The following HS6ST3 variants were observed in gnomAD, a reference collection of about 807,000 sequenced individuals.
The protein encoded by HS6ST3 is heparan sulfate 6-O-sulfotransferase 3.
HS6ST3 carries 12 observed loss-of-function variants against 36.7 expected under a neutral mutation model. That is an observed-to-expected ratio of 0.33 (90% confidence interval 0.21 to 0.53). The LOEUF is 0.53. Among genes scored for constraint, HS6ST3 ranks in the 20% least tolerant of loss-of-function variants. The probability of loss-of-function intolerance (pLI) is 0.95; values close to 1 mark genes in which losing one functional copy is unlikely to be tolerated. For synonymous variants in HS6ST3, 240 were observed against 257.5 expected (o/e 0.93, Z 0.65); for missense variants, 584 against 640.9 (o/e 0.91, Z 0.96).
chr13:96,641,046 T>G (rs2056568411), intron 1 of HS6ST3, among the ~76,000 whole-genome samples: 1 of 151,978 alleles, frequency 6.6e-6, no homozygotes, highest in Non-Finnish European at 1.5e-5. Flanking sequence ...TCCTTTTTGG[T>G]TCTATATGAA....
chr13:96,792,413 A>G (rs1877812277), intron 1 of HS6ST3, among the ~76,000 whole-genome samples: 1 of 151,902 alleles, frequency 6.6e-6, no homozygotes, highest in South Asian at 2.1e-4. Flanking sequence ...TTATCAGAAC[A>G]CGTCCTATTT....
At chr13:96,188,709 A>G (rs2054275877) in intron 1 of HS6ST3, among the ~76,000 whole-genome samples, 2 of 151,980 alleles carry the variant, frequency 1.3e-5, no homozygotes, top group South Asian at 4.2e-4. Flanking sequence ...TTTTTAACCC[A>G]TTTTCTTTGA....
chr13:96,191,180 A>G (rs1046864764), intron 1 of HS6ST3, among the ~76,000 whole-genome samples: 2 of 152,140 alleles, frequency 1.3e-5, no homozygotes, highest in African/African-American at 4.8e-5. Context: ...TGCCATCACC[A>G]TTCATGGCAG....
At chr13:96,428,200 T>C (rs2055596762) in intron 1 of HS6ST3, among the ~76,000 whole-genome samples, 3 of 151,962 alleles carry the variant, frequency 2.0e-5, no homozygotes, top group African/African-American at 7.3e-5. Context: ...ACAAAAAAAA[T>C]TAGCCGGGCA....
chr13:96,464,138 CAAAAAA>C (rs67305199), intron 1 of HS6ST3, among the ~76,000 whole-genome samples: 5 of 38,780 alleles, frequency 1.3e-4, no homozygotes, highest in South Asian at 2.0e-3. Flanking sequence ...TGTCAGGCCT[CAAAAAA>C]AAAAAAAAAA....
At chr13:96,625,448 G>A (rs971683641) in intron 1 of HS6ST3, among the ~76,000 whole-genome samples, 2 of 152,096 alleles carry the variant, frequency 1.3e-5, no homozygotes, top group Non-Finnish European at 1.5e-5. Context: ...CAAGTTGGTT[G>A]CCAAAACGAC....
intron 1 of HS6ST3, among the ~76,000 whole-genome samples, chr13:96,147,115 T>C (rs766554552): frequency 5.9e-5 from 9 of 152,224 alleles, no homozygotes; most frequent in Non-Finnish European, 1.3e-4. Context: ...CACATTTTAA[T>C]TGAAAACAGA....
At chr13:96,286,665 C>A (rs1279230890) in intron 1 of HS6ST3, among the ~76,000 whole-genome samples, 2 of 152,016 alleles carry the variant, frequency 1.3e-5, no homozygotes, top group Admixed American at 1.3e-4. Flanking sequence ...TTACTTTGGG[C>A]AGTTTGTATT....
chr13:96,440,061 G>A (rs1470262603), intron 1 of HS6ST3, among the ~76,000 whole-genome samples: 1 of 152,158 alleles, frequency 6.6e-6, no homozygotes, highest in Non-Finnish European at 1.5e-5. Flanking sequence ...AGTATTCTTT[G>A]GGTAGATCTT....
intron 1 of HS6ST3, among the ~76,000 whole-genome samples, chr13:96,153,136 A>T (rs758361384): frequency 6.6e-6 from 1 of 152,032 alleles, no homozygotes; most frequent in African/African-American, 2.4e-5. Flanking sequence ...ACACACACCT[A>T]CATCTCCAAC....
intron 1 of HS6ST3, among the ~76,000 whole-genome samples, chr13:96,256,150 T>C (rs2054635817): frequency 6.6e-6 from 1 of 152,228 alleles, no homozygotes; most frequent in Non-Finnish European, 1.5e-5. Flanking sequence ...TAGACGATGG[T>C]AGTGCCGTCA....
At chr13:96,396,160 G>A (rs900240445) in intron 1 of HS6ST3, among the ~76,000 whole-genome samples, 7 of 151,768 alleles carry the variant, frequency 4.6e-5, no homozygotes, top group East Asian at 1.9e-4. Flanking sequence ...CTAAAAATTC[G>A]AAAATTAGCC....
chr13:96,818,148 T>C (rs921399437), intron 1 of HS6ST3, among the ~76,000 whole-genome samples: 3 of 152,220 alleles, frequency 2.0e-5, no homozygotes, highest in Non-Finnish European at 4.4e-5. Context: ...CACACTTGAA[T>C]TGATGAAGAG....
chr13:96,548,483 C>T (rs754009159), intron 1 of HS6ST3, among the ~76,000 whole-genome samples: 8 of 152,146 alleles, frequency 5.3e-5, no homozygotes, highest in African/African-American at 1.2e-4. Flanking sequence ...CATACTATTT[C>T]GTCTTCATTA....
intron 1 of HS6ST3, among the ~76,000 whole-genome samples, chr13:96,501,922 A>G (rs2056006050): frequency 6.6e-6 from 1 of 152,222 alleles, no homozygotes; most frequent in African/African-American, 2.4e-5. Flanking sequence ...AAAATTTCAA[A>G]AACAATGAGT....
intron 1 of HS6ST3, among the ~76,000 whole-genome samples, chr13:96,670,992 A>G (rs534668671): frequency 6.6e-6 from 1 of 152,134 alleles, no homozygotes; most frequent in African/African-American, 2.4e-5. Flanking sequence ...ATGGCAGGCT[A>G]TGAATTTTAG....
chr13:96,695,686 C>T (rs1875108429), intron 1 of HS6ST3, among the ~76,000 whole-genome samples: 1 of 146,472 alleles, frequency 6.8e-6, no homozygotes, highest in African/African-American at 2.5e-5. Context: ...ATCCTCCCAC[C>T]TCAGCCTCCC....
At chr13:96,118,667 TATATATATATATATATATATA>T (rs1209836059) in intron 1 of HS6ST3, among the ~76,000 whole-genome samples, 26 of 10,226 alleles carry the variant, frequency 2.5e-3, no homozygotes, top group South Asian at 0.015. Context: ...TATATATATA[TATATATATATATATATATATA>T]TTTTTTTTTT....
intron 1 of HS6ST3, among the ~76,000 whole-genome samples, chr13:96,803,124 G>A (rs1878120407): frequency 1.3e-5 from 2 of 152,102 alleles, no homozygotes; most frequent in South Asian, 4.1e-4. Context: ...GTTACCCATG[G>A]GATACAATTA....
Sources: gnomAD v4.1 joint callset for allele counts (sites outside exome capture counted in the v4.1 genomes callset) on GRCh38, gnomAD v4.1.1 for gene constraint, MANE v1.5 for transcripts, NCBI Gene and HGNC (gene_info 2026-07-23, HGNC 2026-07-21) for gene names.